The following EIF4G3 variants were observed in gnomAD, a reference collection of about 807,000 sequenced individuals.
EIF4G3 encodes eIF-4-gamma 3.
Under a neutral mutation model 186.4 loss-of-function variants are expected in EIF4G3, and 34 were observed. That is an observed-to-expected ratio of 0.18 (90% CI 0.14 to 0.24). The LOEUF is 0.24. Ranked by LOEUF, EIF4G3 falls within the 10% of genes least tolerant of loss-of-function variation. The pLI is 1.00. For missense variants in EIF4G3, 1,536 were observed against 1,948.5 expected (o/e 0.79, Z 3.99); for synonymous variants, 673 against 679.5 (o/e 0.99, Z 0.15).
At chr1:20,957,861 C>T (rs1020764443) in intron 12 of EIF4G3, among the ~76,000 whole-genome samples, 3 of 151,962 alleles carry the variant, frequency 2.0e-5, no homozygotes, top group African/African-American at 7.3e-5. Flanking sequence ...AAAGACAAAC[C>T]CTGAACAGAC....
chr1:21,124,078 G>A (rs2096978254), intron 2 of EIF4G3, among the ~76,000 whole-genome samples: 1 of 152,008 alleles, frequency 6.6e-6, no homozygotes, highest in South Asian at 2.1e-4. Flanking sequence ...ATCACCTGAG[G>A]TCAGGAGTTC....
intron 2 of EIF4G3, among the ~76,000 whole-genome samples, chr1:21,114,939 G>T (rs1364503905): frequency 2.0e-5 from 3 of 152,144 alleles, no homozygotes; most frequent in African/African-American, 7.2e-5. Context: ...GAGGCAAAAG[G>T]AACACTTAAG....
chr1:20,914,537 T>G (rs2093647074), intron 14 of EIF4G3, among the ~76,000 whole-genome samples: 1 of 152,168 alleles, frequency 6.6e-6, no homozygotes, highest in Non-Finnish European at 1.5e-5. Flanking sequence ...GATGACACCT[T>G]GATTTTTGGC....
At chr1:20,961,249 G>A (rs1313884544) in intron 12 of EIF4G3, among the ~76,000 whole-genome samples, 1 of 152,040 alleles carries the variant, frequency 6.6e-6, no homozygotes, top group South Asian at 2.1e-4. Context: ...TGGGCATGGT[G>A]GTGCATGCCT....
At position 20,880,376 on chromosome 1, in the gene EIF4G3, A is replaced by G. The variant is rs113554973; in HGVS notation, c.2425-856T>C. Among the ~76,000 whole-genome samples, 1,358 of 152,314 alleles carry G rather than the reference A, an allele frequency of 8.9e-3. 15 individuals carry two copies. The highest frequency in any genetic ancestry group is 0.033 in the Admixed American group (499 of 15,292). ...AAATGCAAACATCAACTGCTTTTCT[A>G]TGTATTAGCAATAAATAACCAGAAA... On this transcript the variant is annotated intron_variant, in intron 19 of 36. Transcript: ENST00000602326.
chr1:20,956,456 G>A (rs956545343), intron 12 of EIF4G3, among the ~76,000 whole-genome samples: 5 of 152,090 alleles, frequency 3.3e-5, no homozygotes, highest in Non-Finnish European at 5.9e-5. Flanking sequence ...TGTCTAAGGA[G>A]AGCAAAGTGG....
intron 3 of EIF4G3, among the ~76,000 whole-genome samples, chr1:21,082,809 C>A (rs993620802): frequency 6.6e-6 from 1 of 151,340 alleles, no homozygotes; most frequent in Non-Finnish European, 1.5e-5. Context: ...GAGGCCGAGA[C>A]GGGCGGATCA....
intron 2 of EIF4G3, among the ~76,000 whole-genome samples, chr1:21,158,169 CTT>C (rs71014163): frequency 1.9e-4 from 19 of 99,506 alleles, no homozygotes; most frequent in Admixed American, 3.3e-4. Context: ...AAATACATAG[CTT>C]TTTTTTTTTT....
At chr1:20,846,884 T>TAA (rs931719451) in intron 29 of EIF4G3, among the ~76,000 whole-genome samples, 7 of 152,190 alleles carry the variant, frequency 4.6e-5, no homozygotes, top group African/African-American at 7.2e-5. Flanking sequence ...AATATAGGTA[T>TAA]AAGAACTTGG....
intron 25 of EIF4G3, among the ~76,000 whole-genome samples, chr1:20,856,462 C>T (rs867199511): frequency 6.6e-6 from 1 of 152,152 alleles, no homozygotes. Context: ...TAGAAGTTTC[C>T]ACTCTTATCA....
At chr1:20,834,637 A>T (rs546725525) in intron 30 of EIF4G3, among the ~76,000 whole-genome samples, 29 of 152,328 alleles carry the variant, frequency 1.9e-4, no homozygotes, top group African/African-American at 7.0e-4. Context: ...CTATAAAAAG[A>T]GACAAAGGTC....
intron 13 of EIF4G3, 34 bp from the exon 14 acceptor site, chr1:20,942,364 C>A (rs751744531): frequency 2.0e-5 from 30 of 1,527,714 alleles, no homozygotes; most frequent in Non-Finnish European, 2.5e-5. Flanking sequence ...AAGAATAATT[C>A]TTGGATCAGA....
intron 14 of EIF4G3, among the ~76,000 whole-genome samples, chr1:20,931,244 T>C (rs74061344): frequency 0.014 from 2,094 of 152,236 alleles, 41 homozygotes; most frequent in African/African-American, 0.048. Flanking sequence ...ATGGCAGCTA[T>C]AGACATACAA....
chr1:20,975,066 A>C (rs1019655819), intron 10 of EIF4G3, among the ~76,000 whole-genome samples: 7 of 152,158 alleles, frequency 4.6e-5, no homozygotes, highest in Admixed American at 4.6e-4. Context: ...TGTAGGTATC[A>C]ATCAGGTTTG....
chr1:21,037,239 A>G (rs1318445843), intron 4 of EIF4G3, among the ~76,000 whole-genome samples: 2 of 150,186 alleles, frequency 1.3e-5, no homozygotes, highest in Non-Finnish European at 3.0e-5. Flanking sequence ...GAAAAAGGAA[A>G]AAAAAAAAAA....
chr1:20,816,173 T>C (rs1570957186), intron 34 of EIF4G3, among the ~76,000 whole-genome samples: 1 of 99,752 alleles, frequency 1.0e-5, no homozygotes, highest in Non-Finnish European at 2.1e-5. Context: ...CCGCCCCTAC[T>C]GGGAAGTGAG....
intron 30 of EIF4G3, among the ~76,000 whole-genome samples, chr1:20,831,070 T>C (rs2065026161): frequency 6.6e-6 from 1 of 152,170 alleles, no homozygotes; most frequent in Non-Finnish European, 1.5e-5. Context: ...GTAGTGACCA[T>C]CACAGTCATT....
rs546638823 is a variant in EIF4G3 at position 21,137,335 on chromosome 1, G to A, written c.-272+38840C>T. 3.9e-5 allele frequency among the ~76,000 whole-genome samples: 6 copies of A among 151,956 alleles called. No individual in the cohort carries two copies. In the South Asian group the frequency reaches 1.2e-3, roughly 32 times the overall value. On this transcript the variant is annotated intron_variant, in intron 2 of 36. Coordinates refer to ENST00000602326, the MANE Select transcript of EIF4G3 (RefSeq NM_001391906.1). ...ATTAATTTTAAATTTTTGTAGAGAC[G>A]AGGTCTCACTACACTGCTCAGGCTG...
chr1:20,938,057 C>T (rs1420839666), intron 14 of EIF4G3, among the ~76,000 whole-genome samples: 6 of 151,758 alleles, frequency 4.0e-5, no homozygotes, highest in East Asian at 1.9e-4. Context: ...AGTGAAGTGG[C>T]GCGATGTTGG....
Sources: allele counts gnomAD v4.1 joint callset (sites outside exome capture counted in the v4.1 genomes callset), GRCh38; gene constraint gnomAD v4.1.1; transcripts MANE v1.5; gene names NCBI Gene and HGNC (gene_info 2026-07-23, HGNC 2026-07-21).